PSD3: variants seen among roughly 807,000 people sequenced by gnomAD.
The protein encoded by PSD3 is pleckstrin and Sec7 domain containing 3, also known as PH and SEC7 domain-containing protein 3.
In PSD3, 49 loss-of-function variants were observed where a neutral mutation model predicts 105.5. The ratio of observed to expected loss-of-function variants is 0.46; its 90% CI spans 0.37 to 0.59. The LOEUF (loss-of-function observed/expected upper bound fraction) is 0.59, where lower values mean the gene tolerates loss of function less well. Ranked by LOEUF, PSD3 falls within the 20% of genes least tolerant of loss-of-function variation. The pLI is 0.00. For synonymous variants in PSD3, 557 were observed against 457.8 expected (o/e 1.22, Z -2.77); for missense variants, 1,561 against 1,263.8 (o/e 1.24, Z -3.57).
intron 4 of PSD3, among the ~76,000 whole-genome samples, chr8:18,833,095 T>C (rs1813809069): frequency 6.6e-6 from 1 of 152,216 alleles, no homozygotes; most frequent in Admixed American, 6.5e-5. Context: ...AAAATGTTAC[T>C]TTAAAGGAGC....
chr8:18,787,414 C>T (rs1585989491), intron 8 of PSD3, among the ~76,000 whole-genome samples: 1 of 152,060 alleles, frequency 6.6e-6, no homozygotes, highest in Non-Finnish European at 1.5e-5. Context: ...AAAGATGAAG[C>T]TCTGGATCAT....
At chr8:18,796,877 G>C (rs944620790) in intron 8 of PSD3, among the ~76,000 whole-genome samples, 2 of 152,134 alleles carry the variant, frequency 1.3e-5, no homozygotes, top group Non-Finnish European at 2.9e-5. Context: ...ATTCTAGGTA[G>C]TATAGCATTA....
intron 10 of PSD3, among the ~76,000 whole-genome samples, chr8:18,641,195 T>A (rs1246717743): frequency 2.0e-5 from 3 of 152,134 alleles, no homozygotes; most frequent in Non-Finnish European, 2.9e-5. Flanking sequence ...ATTACCATGA[T>A]CCCTGTAATT....
rs1350343653 is a variant in PSD3, at chr8:18,572,654, T to C, written c.2658A>G (p.Gln886=). 1.2e-6 allele frequency: 2 copies of C among 1,614,016 alleles called. No homozygotes were observed. Among genetic ancestry groups the C allele is most frequent in the Non-Finnish European group, 8.5e-7 (1 of 1,179,882 alleles). ...CACAATTGATTTTGTTTATCCACCCTTGCATTTCCTCTGGGCTCCTATGAG... is the reference window on the plus strand; with the variant it reads ...CACAATTGATTTTGTTTATCCACCCCTGCATTTCCTCTGGGCTCCTATGAG... The part of the protein sequence containing the change: ...LFQTQSPEEM[Q]GWINKINCVA... Residue 886 remains glutamine, a synonymous_variant, in exon 14 of 16, where the codon CAA becomes CAG. Transcript: ENST00000327040.
intron 1 of PSD3, among the ~76,000 whole-genome samples, chr8:18,969,762 C>T (rs1586551236): frequency 6.6e-6 from 1 of 152,142 alleles, no homozygotes; most frequent in East Asian, 1.9e-4. Flanking sequence ...AAGGATCTTT[C>T]AAAGTCCAAA....
At chr8:18,680,452 C>T (rs1160717549) in intron 9 of PSD3, among the ~76,000 whole-genome samples, 1 of 152,216 alleles carries the variant, frequency 6.6e-6, no homozygotes, top group Non-Finnish European at 1.5e-5. Context: ...ACTGCCCCCT[C>T]ATGGCCAGAA....
intron 9 of PSD3, among the ~76,000 whole-genome samples, chr8:18,690,516 G>A (rs191926103): frequency 2.0e-3 from 305 of 152,224 alleles, no homozygotes; most frequent in Middle Eastern, 0.014. Context: ...AGCAGATGGT[G>A]GCAGCCTAGC....
intron 1 of PSD3, among the ~76,000 whole-genome samples, chr8:19,072,229 GT>G (rs747890535): frequency 2.6e-5 from 4 of 151,642 alleles, no homozygotes; most frequent in Non-Finnish European, 5.9e-5. Context: ...AGCCTCCCCA[GT>G]AGCTTGGGTT....
At chr8:18,808,768 G>A in intron 4 of PSD3, 1 of 1,614,002 alleles carries the variant, frequency 6.2e-7, no homozygotes, top group Non-Finnish European at 8.5e-7. Flanking sequence ...CAACCATACA[G>A]ACACCAAGAA....
chr8:18,601,478 C>CT (rs544191732), intron 11 of PSD3, among the ~76,000 whole-genome samples: 1 of 152,142 alleles, frequency 6.6e-6, no homozygotes, highest in Non-Finnish European at 1.5e-5. Context: ...CTTTAAATCT[C>CT]TTTTGACTGA....
In PSD3 at chr8:18,567,015, G is replaced by T. The variant is rs186485509; in HGVS notation, c.2784+5513C>A. 5.9e-5 allele frequency among the ~76,000 whole-genome samples: 9 copies of T among 152,268 alleles called. No homozygotes were observed. The East Asian group carries it at 1.7e-3, about 29-fold the overall frequency. On this transcript the variant is annotated intron_variant, in intron 14 of 15. Transcript: ENST00000327040. ...TATACAGTCCCTAAATAGGAAAGCAGTACATTTTTTAAAGTATAAAGTAAA... is the reference window on the plus strand; with the variant it reads ...TATACAGTCCCTAAATAGGAAAGCATTACATTTTTTAAAGTATAAAGTAAA...
intron 9 of PSD3, among the ~76,000 whole-genome samples, chr8:18,676,634 G>A (rs1249489598): frequency 6.6e-6 from 1 of 152,218 alleles, no homozygotes; most frequent in African/African-American, 2.4e-5. Flanking sequence ...GGCCAGACCA[G>A]CGAGGAGCCC....
upstream of PSD3, chr8:19,013,826 GC>G (rs896303008): frequency 4.7e-5 from 8 of 169,886 alleles, no homozygotes; most frequent in South Asian, 6.0e-4. Context: ...GCGGTGGCGG[GC>G]CCCGGGGGCG....
intron 9 of PSD3, among the ~76,000 whole-genome samples, chr8:18,752,054 G>A (rs1805538996): frequency 6.6e-6 from 1 of 151,264 alleles, no homozygotes; most frequent in Admixed American, 6.6e-5. Flanking sequence ...TGGGCGTGGT[G>A]GTGGATGCCT....
intron 12 of PSD3, among the ~76,000 whole-genome samples, chr8:18,591,078 T>C (rs892706800): frequency 3.9e-5 from 6 of 152,058 alleles, no homozygotes; most frequent in South Asian, 2.1e-4. Flanking sequence ...TGGACCAAAA[T>C]ACCTACTAAG....
chr8:18,905,094 T>C (rs111493968), intron 2 of PSD3, among the ~76,000 whole-genome samples: 1,655 of 152,350 alleles, frequency 0.011, 33 homozygotes, highest in African/African-American at 0.038. Context: ...GTGTTTTAAG[T>C]AGCTTATAGC....
chr8:18,701,373 C>T (rs1340297778), intron 9 of PSD3, among the ~76,000 whole-genome samples: 1 of 152,138 alleles, frequency 6.6e-6, no homozygotes, highest in African/African-American at 2.4e-5. Flanking sequence ...AAACACAATA[C>T]AAGTCTCATT....
intron 4 of PSD3, among the ~76,000 whole-genome samples, chr8:18,861,525 T>C (rs1816449681): frequency 6.6e-6 from 1 of 152,140 alleles, no homozygotes; most frequent in African/African-American, 2.4e-5. Context: ...TCTTTATATC[T>C]GATCACACTA....
chr8:18,839,177 T>C (rs1814402685), intron 4 of PSD3, among the ~76,000 whole-genome samples: 1 of 152,032 alleles, frequency 6.6e-6, no homozygotes, highest in Non-Finnish European at 1.5e-5. Context: ...GGATCCTAAC[T>C]TGAGCACAGA....
Sources: allele counts gnomAD v4.1 joint callset (sites outside exome capture counted in the v4.1 genomes callset), GRCh38; gene constraint gnomAD v4.1.1; transcripts MANE v1.5; gene names NCBI Gene and HGNC (gene_info 2026-07-23, HGNC 2026-07-21).